The following DCAF8 variants were observed in gnomAD, a reference collection of about 807,000 sequenced individuals.
DCAF8 encodes DDB1- and CUL4-associated factor 8.
In DCAF8, 20 loss-of-function variants were observed where a neutral mutation model predicts 68.0. The observed-to-expected ratio is 0.29, with a 90% CI of 0.21 to 0.43. DCAF8 has a LOEUF of 0.43. DCAF8 is among the 20% of genes least tolerant of loss of function. DCAF8 has a pLI of 1.00. For missense variants in DCAF8, 460 were observed against 771.0 expected (o/e 0.60, Z 4.78); for synonymous variants, 230 against 276.9 (o/e 0.83, Z 1.68).
intron 6 of DCAF8, among the ~76,000 whole-genome samples, chr1:160,233,071 T>C (rs1190467047): frequency 1.3e-5 from 2 of 152,232 alleles, no homozygotes; most frequent in East Asian, 3.8e-4. Flanking sequence ...TTTTTGTTTT[T>C]AAGTCTAAGG....
chr1:160,223,001 CCTTAGTCTCTCAAGTTTATACCCTAT>C (rs1655347152), intron 10 of DCAF8, among the ~76,000 whole-genome samples: 1 of 152,232 alleles, frequency 6.6e-6, no homozygotes, highest in South Asian at 2.1e-4. Flanking sequence ...TTAGCAGCAG[CCTTAGTCTCTCAAGTTTATACCCTAT>C]CAAGTAACCA....
chr1:160,226,391 C>T (rs72706663), intron 7 of DCAF8, among the ~76,000 whole-genome samples: 8,560 of 152,244 alleles, frequency 0.056, 333 homozygotes, highest in Non-Finnish European at 0.089. Flanking sequence ...TCTTATCAAG[C>T]ACACTACACC....
chr1:160,238,131 C>G (rs985274566), intron 5 of DCAF8, among the ~76,000 whole-genome samples: 1 of 152,196 alleles, frequency 6.6e-6, no homozygotes, highest in Non-Finnish European at 1.5e-5. Context: ...ACTGGCAGCT[C>G]TTAACTCCTT....
rs749829107 is a variant in DCAF8, at chr1:160,215,973, CTGACT to C, written c.*1614_*1618del. The stretch of plus-strand genomic sequence containing the variant: ...CCTTCCTGGCCTGATTTAGAAGAAT[CTGACT>C]GTCCCAGGATACAGAATTCTTGGTT... On this transcript the variant is annotated 3_prime_UTR_variant, in exon 14 of 14. Coordinates refer to ENST00000368074, the MANE Select transcript of DCAF8 (RefSeq NM_015726.4). 10 of 152,144 alleles carry C rather than the reference CTGACT, an allele frequency of 6.6e-5. No homozygotes were observed. Among genetic ancestry groups the C allele is most frequent in the Admixed American group, 2.0e-4 (3 of 15,288 alleles). The allele number at this position is 152,144 out of a possible 1,614,324, so 9.4% of individuals were successfully genotyped here.
At chr1:160,238,505 A>C in intron 5 of DCAF8, 102 bp downstream of exon 5, 3 of 1,320,850 alleles carry the variant, frequency 2.3e-6, no homozygotes, top group Non-Finnish European at 3.1e-6. Context: ...GAGGCACATG[A>C]CCACAACAAA....
At chr1:160,239,676 T>C (rs1656027318) in intron 4 of DCAF8, 21 bp downstream of exon 4, 1 of 1,614,114 alleles carries the variant, frequency 6.2e-7, no homozygotes, top group Non-Finnish European at 8.5e-7. Flanking sequence ...TCTCAGTTGC[T>C]ATTATGCTCC....
At chr1:160,244,103 G>A (rs996331761) in intron 2 of DCAF8, 69 bp from the exon 3 acceptor site, 3 of 1,150,246 alleles carry the variant, frequency 2.6e-6, no homozygotes, top group East Asian at 2.3e-5. Context: ...ATAGGGACAA[G>A]GAGATTTAAC....
At chr1:160,241,236 G>C (rs1303831359) in intron 3 of DCAF8, among the ~76,000 whole-genome samples, 3 of 152,188 alleles carry the variant, frequency 2.0e-5, no homozygotes, top group African/African-American at 7.2e-5. Flanking sequence ...CACTAAGAAA[G>C]CAAGCTGAAG....
chr1:160,247,667 C>G (rs1303855370), intron 2 of DCAF8, among the ~76,000 whole-genome samples: 1 of 152,144 alleles, frequency 6.6e-6, no homozygotes, highest in Non-Finnish European at 1.5e-5. Context: ...CCAAAATGCT[C>G]CAACGAGTAT....
In DCAF8 at chr1:160,237,180, T is replaced by C; in HGVS notation, c.914A>G (p.Asp305Gly). ...SPCTFLSAGE[D>G]AVVFTIDLRQ... ...CAGGTCAATGGTGAAAACAACTGCA[T>C]CTTCACCTGCAGATAAGAACGTACA... The change falls in exon 6 of 14, where the codon GAT (aspartate) becomes GGT (glycine). Residue 305 changes from aspartate to glycine, a missense_variant. Coordinates refer to ENST00000368074, the MANE Select transcript of DCAF8 (RefSeq NM_015726.4). The C allele has an allele frequency of 1.3e-6, 2 of 1,578,964 alleles. No homozygotes were observed. Among genetic ancestry groups the C allele is most frequent in the Non-Finnish European group, 1.7e-6 (2 of 1,160,182 alleles).
chr1:160,255,936 A>G (rs927021914), intron 2 of DCAF8, among the ~76,000 whole-genome samples: 12 of 151,876 alleles, frequency 7.9e-5, no homozygotes, highest in Admixed American at 1.3e-4. Context: ...TTTAATTCTA[A>G]TAACAGTATT....
intron 2 of DCAF8, among the ~76,000 whole-genome samples, chr1:160,254,537 T>G (rs1226152513): frequency 6.6e-6 from 1 of 152,024 alleles, no homozygotes; most frequent in Non-Finnish European, 1.5e-5. Context: ...CTCACGCCTG[T>G]AATCCCCACA....
In DCAF8 at chr1:160,231,374, T is replaced by A. The variant is rs1386064868; in HGVS notation, c.993A>T (p.Lys331Asn). The change falls in exon 7 of 14, where the codon AAA (lysine) becomes AAT (asparagine). Residue 331 changes from lysine to asparagine, a missense_variant. Physicochemically the swap from Lys to Asn is moderately conservative, Grantham distance 94 (BLOSUM62 0). Transcript: ENST00000368074. ...TCACATAGATCGTATACAGCCCCAC[T>A]TTCTTCTCTTTCTCTTTTGTCACCA... Reference protein sequence around the residue: ...KLVVTKEKEKKVGLYTIYVNP... With the variant: ...KLVVTKEKEKNVGLYTIYVNP... The A allele has an allele frequency of 6.2e-7, 1 of 1,614,118 alleles. No individual in the cohort carries two copies. The highest frequency in any genetic ancestry group is 1.1e-5 in the South Asian group (1 of 91,082).
intron 1 of DCAF8, chr1:160,261,663 G>A (rs1231478305): frequency 6.6e-6 from 1 of 152,206 alleles, no homozygotes; most frequent in Non-Finnish European, 1.5e-5. Flanking sequence ...AGAAGCCACA[G>A]AGCAGGGGGG....
At chr1:160,255,782 G>T (rs1656811844) in intron 2 of DCAF8, among the ~76,000 whole-genome samples, 1 of 151,848 alleles carries the variant, frequency 6.6e-6, no homozygotes, top group African/African-American at 2.4e-5. Context: ...ACTGCAGCTG[G>T]CTAATTTTTA....
At chr1:160,259,494 C>T (rs1444830928) in intron 2 of DCAF8, among the ~76,000 whole-genome samples, 3 of 151,942 alleles carry the variant, frequency 2.0e-5, no homozygotes, top group Non-Finnish European at 4.4e-5. Context: ...GATCGCGCCA[C>T]AGCACCCCAG....
intron 7 of DCAF8, among the ~76,000 whole-genome samples, chr1:160,229,700 T>C (rs2101726771): frequency 6.6e-6 from 1 of 152,142 alleles, no homozygotes; most frequent in African/African-American, 2.4e-5. Flanking sequence ...ACTACAACCC[T>C]TTTTGATCAA....
In DCAF8 at chr1:160,240,152, T is replaced by G. The variant is rs1656053570; in HGVS notation, c.268A>C (p.Asn90His). ...SMEDTGHYSI[N>H]DENRVHDRSE... ...CGGTCATGGACTCGATTTTCATCAT[T>G]AATGGAGTAATGACCAGTGTCCTCC... The change falls in exon 4 of 14, where the codon AAT becomes CAT. Residue 90 changes from asparagine to histidine, a missense_variant. Coordinates refer to ENST00000368074, the MANE Select transcript of DCAF8 (RefSeq NM_015726.4). 1.2e-6 allele frequency: 2 copies of G among 1,613,750 alleles called. No homozygotes were observed. The highest frequency in any genetic ancestry group is 1.7e-5 in the Admixed American group (1 of 59,916).
rs529047112 is a variant in DCAF8 at position 160,248,727 on chromosome 1, A to G, written c.-26-4693T>C. Among the ~76,000 whole-genome samples the G allele has an allele frequency of 3.3e-5, 5 of 151,886 alleles. No homozygotes were observed. In the South Asian group the frequency reaches 1.0e-3, roughly 32 times the overall value. On this transcript the variant is annotated intron_variant, in intron 2 of 13. Transcript: ENST00000368074. ...AAAAAAAGAAAAAAAAAAAACTGTC[A>G]CAACTAAATAATTATCGCGAGCTGG... is the stretch of plus-strand genomic sequence containing the variant.
Sources: allele counts gnomAD v4.1 joint callset (sites outside exome capture counted in the v4.1 genomes callset), GRCh38; gene constraint gnomAD v4.1.1; transcripts MANE v1.5; gene names NCBI Gene and HGNC (gene_info 2026-07-23, HGNC 2026-07-21).